The following ZNF518A variants were observed in gnomAD, a reference collection of about 807,000 sequenced individuals.
The protein encoded by ZNF518A is zinc finger protein 518A.
In ZNF518A, 47 loss-of-function variants were observed where a neutral mutation model predicts 102.7. The observed-to-expected ratio is 0.46, with a 90% confidence interval of 0.36 to 0.58. ZNF518A has a LOEUF of 0.58. ZNF518A is among the 20% of genes least tolerant of loss of function. The probability of loss-of-function intolerance (pLI) is 0.00; values close to 1 mark genes in which losing one functional copy is unlikely to be tolerated. For synonymous variants in ZNF518A, 652 were observed against 594.6 expected (o/e 1.10, Z -1.40); for missense variants, 1,793 against 1,699.8 (o/e 1.05, Z -0.96).
intron 1 of ZNF518A, among the ~76,000 whole-genome samples, chr10:96,171,618 T>G (rs998188620): frequency 5.9e-5 from 9 of 152,190 alleles, no homozygotes; most frequent in Non-Finnish European, 1.0e-4. Flanking sequence ...GGGAATTCAC[T>G]AAGAAACCAT....
intron 1 of ZNF518A, among the ~76,000 whole-genome samples, chr10:96,196,731 C>G (rs2083475643): frequency 6.6e-6 from 1 of 152,140 alleles, no homozygotes; most frequent in African/African-American, 2.4e-5. Flanking sequence ...TTTCTGTGTT[C>G]TTATAGGATA....
At chr10:96,173,009 CT>C (rs1554891058) in intron 1 of ZNF518A, among the ~76,000 whole-genome samples, 2 of 152,094 alleles carry the variant, frequency 1.3e-5, no homozygotes, top group African/African-American at 2.4e-5. Flanking sequence ...CATGTACAGA[CT>C]TTTTTTCTTA....
intron 3 of ZNF518A, among the ~76,000 whole-genome samples, chr10:96,135,487 C>T (rs2081553291): frequency 6.6e-6 from 1 of 152,200 alleles, no homozygotes; most frequent in Non-Finnish European, 1.5e-5. Flanking sequence ...CCCCACTTTC[C>T]TATACCTTAT....
At chr10:96,202,374 C>G (rs2083668457) in intron 1 of ZNF518A, among the ~76,000 whole-genome samples, 1 of 152,162 alleles carries the variant, frequency 6.6e-6, no homozygotes, top group African/African-American at 2.4e-5. Context: ...TTGGACAGAT[C>G]ACAGCAGTGG....
intron 3 of ZNF518A, among the ~76,000 whole-genome samples, chr10:96,146,230 C>T (rs2082166805): frequency 6.6e-6 from 1 of 152,072 alleles, no homozygotes; most frequent in Non-Finnish European, 1.5e-5. Flanking sequence ...TATTGGTGGA[C>T]ACTTATTTTT....
Position 96,200,052 on chromosome 10 carries a change from A to G in ZNF518A, n.36-3522A>G. 7.1e-7 allele frequency: 1 copy of G among 1,399,996 alleles called. No homozygotes were observed. Among genetic ancestry groups the G allele is most frequent in the Non-Finnish European group, 9.4e-7 (1 of 1,061,850 alleles). 86.7% of individuals were successfully genotyped at this position (1,399,996 alleles called of 1,614,324 possible). Reference sequence around the variant, plus strand: ...AATAAAATAAAATAAAATAAAAATAATAAATAATAAAAATGATCAGACCTT... The same window carrying G: ...AATAAAATAAAATAAAATAAAAATAGTAAATAATAAAAATGATCAGACCTT... On this transcript the variant is annotated intron_variant and non_coding_transcript_variant, in intron 1 of 2. Transcript: ENST00000442635. The surrounding 1 kb of genome is among the most constrained non-coding windows in gnomAD (Gnocchi z 4.3).
intron 2 of ZNF518A, among the ~76,000 whole-genome samples, chr10:96,133,087 C>CA (rs1554872825): frequency 1.3e-5 from 2 of 150,906 alleles, no homozygotes; most frequent in African/African-American, 4.8e-5. Flanking sequence ...TTAATCTAAG[C>CA]AAAAAAAGTA....
At chr10:96,133,327 T>C (rs1444675489) in intron 2 of ZNF518A, among the ~76,000 whole-genome samples, 9 of 152,172 alleles carry the variant, frequency 5.9e-5, no homozygotes, top group African/African-American at 2.2e-4. Context: ...GATATGTGTT[T>C]ATATTATGAC....
At chr10:96,145,106 G>A (rs1554877989) in intron 3 of ZNF518A, among the ~76,000 whole-genome samples, 1 of 96,738 alleles carries the variant, frequency 1.0e-5, no homozygotes. Context: ...GTCTCGCTCT[G>A]TCGCCCAGGC....
intron 3 of ZNF518A, among the ~76,000 whole-genome samples, chr10:96,146,743 C>T (rs1252912833): frequency 2.0e-5 from 3 of 152,146 alleles, no homozygotes; most frequent in African/African-American, 7.2e-5. Context: ...CTGGTCATAT[C>T]CTCCTCTCTG....
chr10:96,159,792 CTAA>C lies in ZNF518A; in HGVS notation c.3475_3477del (p.Asn1159del). The C allele has an allele frequency of 6.2e-7, 1 of 1,613,594 alleles. No homozygotes were observed. Among genetic ancestry groups the C allele is most frequent in the African/African-American group, 1.3e-5 (1 of 75,026 alleles). ...AACCCTGTTTTAAATGTGACTGCTG[CTAA>C]TAATCTGTCAGTAAGCAACTCTGCA... On this transcript the variant is annotated inframe_deletion, in exon 6 of 6. Coordinates refer to ENST00000316045, the MANE Select transcript of ZNF518A (RefSeq NM_001330736.2).
chr10:96,183,094 C>T (rs2083249614), intron 1 of ZNF518A, among the ~76,000 whole-genome samples: 1 of 152,128 alleles, frequency 6.6e-6, no homozygotes, highest in Non-Finnish European at 1.5e-5. Flanking sequence ...TCTAGATTTT[C>T]TAGTTTATTT....
At chr10:96,180,317 C>T (rs1402258758) in intron 1 of ZNF518A, among the ~76,000 whole-genome samples, 2 of 151,316 alleles carry the variant, frequency 1.3e-5, no homozygotes, top group Non-Finnish European at 2.9e-5. Flanking sequence ...AGCCACTGTA[C>T]CCAGCCTTGA....
At chr10:96,185,936 C>G (rs1377456463) in intron 1 of ZNF518A, among the ~76,000 whole-genome samples, 2 of 152,230 alleles carry the variant, frequency 1.3e-5, no homozygotes, top group African/African-American at 4.8e-5. Flanking sequence ...TGGCAGACGC[C>G]TCTCCCCCAG....
intron 1 of ZNF518A, among the ~76,000 whole-genome samples, chr10:96,183,677 G>C (rs1411603506): frequency 6.6e-6 from 1 of 152,202 alleles, no homozygotes; most frequent in African/African-American, 2.4e-5. Flanking sequence ...TGGTCTGAGA[G>C]ACAGTTTGTT....
At chr10:96,141,370 G>T (rs1554876442) in intron 3 of ZNF518A, among the ~76,000 whole-genome samples, 1 of 152,184 alleles carries the variant, frequency 6.6e-6, no homozygotes, top group African/African-American at 2.4e-5. Flanking sequence ...AGCAGAATTT[G>T]AAAGGAAGTT....
intron 3 of ZNF518A, among the ~76,000 whole-genome samples, chr10:96,134,863 G>T (rs933583088): frequency 6.6e-6 from 1 of 152,190 alleles, no homozygotes; most frequent in African/African-American, 2.4e-5. Context: ...ATTTCAAAAT[G>T]TAGTAAGCTT....
In ZNF518A at chr10:96,157,550, G is replaced by T; in HGVS notation, c.1228G>T (p.Ala410Ser). 1 of 1,613,808 alleles carries T rather than the reference G, an allele frequency of 6.2e-7. No homozygotes were observed. Among genetic ancestry groups the T allele is most frequent in the Non-Finnish European group, 8.5e-7 (1 of 1,179,774 alleles). The change falls in exon 6 of 6, where the codon GCT becomes TCT. Residue 410 changes from alanine (A) to serine (S), a missense_variant. Around this residue, in one of 3 missense-constraint regions of ZNF518A, gnomAD observed 1,741 missense variants for 1,622.6 expected, o/e 1.07. Coordinates refer to ENST00000316045, the MANE Select transcript of ZNF518A (RefSeq NM_001330736.2). ...QGNRAEEGPN[A>S]SSGFMKTAVL... ...TAATAGAGCTGAAGAGGGACCAAAC[G>T]CTAGTTCAGGTTTCATGAAGACTGC...
At chr10:96,173,978 A>G (rs2083188677) in intron 1 of ZNF518A, among the ~76,000 whole-genome samples, 1 of 152,188 alleles carries the variant, frequency 6.6e-6, no homozygotes, top group South Asian at 2.1e-4. Flanking sequence ...TCATAAATAT[A>G]TGGCAATTGA....
Sources: gnomAD v4.1 joint callset for allele counts (sites outside exome capture counted in the v4.1 genomes callset) on GRCh38, gnomAD v4.1.1 for gene constraint, gnomAD v4.1.1 regional missense constraint, Gnocchi (gnomAD v3.1) non-coding constraint, MANE v1.5 for transcripts, NCBI Gene and HGNC (gene_info 2026-07-23, HGNC 2026-07-21) for gene names.